UGDH: variants seen among roughly 807,000 people sequenced by gnomAD.
The protein encoded by UGDH is UDP-glucose 6-dehydrogenase.
A neutral mutation model predicts 50.6 loss-of-function variants in UGDH; 38 were observed. The ratio of observed to expected loss-of-function variants is 0.75; its 90% CI spans 0.58 to 0.98. The LOEUF (loss-of-function observed/expected upper bound fraction) is 0.98, where lower values mean the gene tolerates loss of function less well. Ranked by LOEUF, UGDH falls within the 50% of genes least tolerant of loss-of-function variation. The pLI is 0.00. For synonymous variants in UGDH, 168 were observed against 199.9 expected (o/e 0.84, Z 1.35); for missense variants, 465 against 606.2 (o/e 0.77, Z 2.45).
At chr4:39,506,674 A>G (rs1746042430) in intron 7 of UGDH, among the ~76,000 whole-genome samples, 1 of 152,214 alleles carries the variant, frequency 6.6e-6, no homozygotes, top group South Asian at 2.1e-4. Flanking sequence ...GGGTGGGCGA[A>G]GCAAAAGAAA....
chr4:39,526,661 C>G, intron 1 of UGDH: 1 of 179,398 alleles, frequency 5.6e-6, no homozygotes. Flanking sequence ...TATAATTTTT[C>G]AAGATCTCAC....
At chr4:39,519,376 CA>C (rs960039627) in intron 2 of UGDH, among the ~76,000 whole-genome samples, 17 of 152,082 alleles carry the variant, frequency 1.1e-4, no homozygotes, top group African/African-American at 3.9e-4. Context: ...GACTAGAATA[CA>C]CTGCTGGCAG....
chr4:39,524,253 A>T (rs1319684930), intron 1 of UGDH, among the ~76,000 whole-genome samples: 1 of 152,150 alleles, frequency 6.6e-6, no homozygotes, highest in Non-Finnish European at 1.5e-5. Flanking sequence ...ATCAGTGTCT[A>T]CTCGTTGCAG....
intron 3 of UGDH, among the ~76,000 whole-genome samples, chr4:39,512,371 A>T (rs1746278119): frequency 6.6e-6 from 1 of 152,330 alleles, no homozygotes; most frequent in Middle Eastern, 3.4e-3. Context: ...AGCAGGAGGA[A>T]AAAGTTGTTT....
chr4:39,516,350 C>T (rs1468949001), intron 2 of UGDH, among the ~76,000 whole-genome samples: 1 of 152,136 alleles, frequency 6.6e-6, no homozygotes, highest in African/African-American at 2.4e-5. Context: ...TATAAATAAT[C>T]AGCATGGTGG....
chr4:39,505,742 C>T lies in UGDH; in HGVS notation c.913G>A (p.Asp305Asn). The T allele has an allele frequency of 6.2e-7, 1 of 1,604,958 alleles. No individual in the cohort carries two copies. Among genetic ancestry groups the T allele is most frequent in the Non-Finnish European group, 8.5e-7 (1 of 1,175,166 alleles). Residue 305 changes from aspartate to asparagine, a missense_variant, in exon 8 of 12, where the codon GAC (aspartate) becomes AAC (asparagine). Transcript: ENST00000316423. The part of the protein sequence containing the change: ...EVARYWQQVI[D>N]MNDYQRRRFA... ...CTCCTCCTCTGGTAGTCATTCATGTCTATGACCTGAAATTACATGTACAAT... is the reference window on the plus strand; with the variant it reads ...CTCCTCCTCTGGTAGTCATTCATGTTTATGACCTGAAATTACATGTACAAT...
chr4:39,522,964 T>C (rs542979119), intron 1 of UGDH, among the ~76,000 whole-genome samples: 2 of 152,028 alleles, frequency 1.3e-5, no homozygotes, highest in Non-Finnish European at 2.9e-5. Flanking sequence ...GGTTTCACCA[T>C]GTTGGTCAGG....
intron 9 of UGDH, 95 bp downstream of exon 9, chr4:39,505,142 G>A: frequency 8.1e-7 from 1 of 1,233,432 alleles, no homozygotes; most frequent in African/African-American, 1.6e-5. Context: ...GCCTACCAAT[G>A]ATATACATGA....
At chr4:39,500,654 T>TC (rs753463213) in intron 11 of UGDH, among the ~76,000 whole-genome samples, 3,300 of 19,862 alleles carry the variant, frequency 0.17, 58 homozygotes, top group East Asian at 0.36. Context: ...CATAATTCTC[T>TC]TTTTTTTTTT....
Position 39,527,010 on chromosome 4 carries a change from G to A in UGDH, c.-8+273C>T, listed in dbSNP as rs758816775. The A allele has an allele frequency of 2.2e-5, 28 of 1,289,306 alleles. 1 individual carries two copies. In the South Asian group the frequency reaches 3.5e-4, roughly 16 times the overall value. 79.9% of individuals were successfully genotyped at this position (1,289,306 alleles called of 1,614,324 possible). ...GGCAGGGAAATCTCATCCAAGTCAG[G>A]AAAGTGGGTAAAGGCAGAAAGAGAA... On this transcript the variant is annotated intron_variant, in intron 1 of 11. Transcript: ENST00000316423.
At chr4:39,518,619 TA>T (rs71645106) in intron 2 of UGDH, among the ~76,000 whole-genome samples, 18,449 of 136,700 alleles carry the variant, frequency 0.13, 1,312 homozygotes, top group East Asian at 0.28. Flanking sequence ...GGTTGGCCTT[TA>T]AAAAAAAAAA....
intron 3 of UGDH, 36 bp from the exon 4 acceptor site, chr4:39,510,897 T>C (rs1452849873): frequency 5.6e-6 from 9 of 1,607,722 alleles, no homozygotes; most frequent in Non-Finnish European, 7.7e-6. Context: ...ACAGAGTGCC[T>C]GTGAGATAGG....
chr4:39,510,456 T>C lies in UGDH; in HGVS notation c.560A>G (p.Glu187Gly). 2 of 1,614,220 alleles carry C rather than the reference T, an allele frequency of 1.2e-6. No individual in the cohort carries two copies. Among genetic ancestry groups the C allele is most frequent in the Non-Finnish European group, 1.7e-6 (2 of 1,180,036 alleles). ...RVLIGGDETP[E>G]GQRAVQALCA... ...CAGGGCCTGCACAGCTCTCTGGCCC[T>C]CTGGAGTTTCATCCCCTCCAATCAG... is the stretch of plus-strand genomic sequence containing the variant. The change falls in exon 5 of 12, where the codon GAG becomes GGG. Residue 187 changes from glutamate to glycine, a missense_variant. Transcript: ENST00000316423.
At chr4:39,511,312 G>A (rs112837593) in intron 3 of UGDH, among the ~76,000 whole-genome samples, 1,548 of 149,766 alleles carry the variant, frequency 0.01, 24 homozygotes, top group African/African-American at 0.035. Context: ...CCAGGCTAGA[G>A]TGCAGTAGTG....
At chr4:39,500,324 A>G (rs1195952725) in intron 11 of UGDH, 71 bp from the exon 12 acceptor site, 2 of 961,924 alleles carry the variant, frequency 2.1e-6, no homozygotes, top group Non-Finnish European at 3.1e-6. Context: ...ATGTACTGAA[A>G]TGGGAGCAGG....
rs557771097 is a variant in UGDH, at chr4:39,524,820, T to C, written c.-8+2463A>G. On this transcript the variant is annotated intron_variant, in intron 1 of 11. Coordinates refer to ENST00000316423, the MANE Select transcript of UGDH (RefSeq NM_003359.4). Reference sequence around the variant, plus strand: ...CATCGCATCTGGCCAAGTTCTTTTTTTGAGTTACCTAAAGAACTTCAGCAT... The same window carrying C: ...CATCGCATCTGGCCAAGTTCTTTTTCTGAGTTACCTAAAGAACTTCAGCAT... 6.6e-5 allele frequency among the ~76,000 whole-genome samples: 10 copies of C among 152,302 alleles called. No individual in the cohort carries two copies. The East Asian group carries it at 1.5e-3, about 24-fold the overall frequency.
intron 6 of UGDH, among the ~76,000 whole-genome samples, chr4:39,509,149 T>C (rs1225530075): frequency 2.7e-5 from 4 of 149,494 alleles, no homozygotes; most frequent in Non-Finnish European, 6.0e-5. Flanking sequence ...TAATTTTTTG[T>C]CTTTTTTTTT....
At chr4:39,514,025 G>A in intron 3 of UGDH, 58 bp downstream of exon 3, 1 of 1,378,282 alleles carries the variant, frequency 7.3e-7, no homozygotes, top group Non-Finnish European at 1.0e-6. Context: ...AAAGTATGAT[G>A]AAACTTTTAT....
intron 2 of UGDH, among the ~76,000 whole-genome samples, chr4:39,514,686 A>AT (rs201224305): frequency 0.022 from 3,180 of 143,060 alleles, 44 homozygotes; most frequent in South Asian, 0.061. Flanking sequence ...ATTTTATTTT[A>AT]TTTTATTTTT....
Sources: allele counts gnomAD v4.1 joint callset (sites outside exome capture counted in the v4.1 genomes callset), GRCh38; gene constraint gnomAD v4.1.1; transcripts MANE v1.5; gene names NCBI Gene and HGNC (gene_info 2026-07-23, HGNC 2026-07-21).